The following CCPG1 variants were observed in gnomAD, a reference collection of about 807,000 sequenced individuals.
CCPG1 encodes the protein cell cycle progression 1, also known as cell cycle progression protein 1.
A neutral mutation model predicts 81.3 loss-of-function variants in CCPG1; 46 were observed. That is an observed-to-expected ratio of 0.57 (90% CI 0.45 to 0.72). CCPG1 has a LOEUF of 0.72. Among genes scored for constraint, CCPG1 ranks in the 30% least tolerant of loss-of-function variants. The pLI is 0.00. For synonymous variants in CCPG1, 330 were observed against 305.2 expected (o/e 1.08, Z -0.85); for missense variants, 902 against 937.6 (o/e 0.96, Z 0.50).
In CCPG1 at chr15:55,360,925, G is replaced by A; in HGVS notation, c.848C>T (p.Ala283Val). Residue 283 changes from alanine (A) to valine (V), a missense_variant, in exon 8 of 9, where the codon GCA (alanine) becomes GTA (valine). Ala to Val is a moderately conservative substitution (Grantham distance 64). Transcript: ENST00000442196. ...IDYKSLKENL[A>V]RCWTLTEAEK... ...TGCTTCAGTAAGTGTCCAACACCTT[G>A]CAAGATTTTCTTTCAATGACTACAT... 6.5e-7 allele frequency: 1 copy of A among 1,538,512 alleles called. No homozygotes were observed. The highest frequency in any genetic ancestry group is 2.3e-5 in the Admixed American group (1 of 43,992).
Position 55,355,376 on chromosome 15 carries a change from AT to A in CCPG1, c.*843del, listed in dbSNP as rs1566962866. The A allele has an allele frequency of 6.2e-7, 1 of 1,611,746 alleles. No individual in the cohort carries two copies. Among genetic ancestry groups the A allele is most frequent in the Non-Finnish European group, 8.5e-7 (1 of 1,178,134 alleles). ...GCCAGAGGGTCGAATTGGAAGTCACATATATGTCTATGAACGGAAGTTAAAA... is the reference window on the plus strand; with the variant it reads ...GCCAGAGGGTCGAATTGGAAGTCACAATATGTCTATGAACGGAAGTTAAAA... On this transcript the variant is annotated 3_prime_UTR_variant, in exon 9 of 9. Coordinates refer to ENST00000442196, the MANE Select transcript of CCPG1 (RefSeq NM_001204450.2).
In CCPG1 at chr15:55,355,522, T is replaced by C; in HGVS notation, c.*698A>G. The C allele has an allele frequency of 9.3e-7, 1 of 1,070,316 alleles. No homozygotes were observed. Among genetic ancestry groups the C allele is most frequent in the Non-Finnish European group, 1.4e-6 (1 of 740,404 alleles). The allele number at this position is 1,070,316 out of a possible 1,614,324, so 66.3% of individuals were successfully genotyped here. A position where few individuals can be genotyped will look rare whatever the true frequency, so the allele number is the denominator to read the frequency against. On this transcript the variant is annotated 3_prime_UTR_variant, in exon 9 of 9. Transcript: ENST00000442196. Reference sequence around the variant, plus strand: ...AACACTGGGTAAGATTCATGGAACTTAGAAAAAAGCTGTATGAACTGCTTT... The same window carrying C: ...AACACTGGGTAAGATTCATGGAACTCAGAAAAAAGCTGTATGAACTGCTTT...
At chr15:55,366,093 T>A (rs2056321456) in intron 6 of CCPG1, among the ~76,000 whole-genome samples, 1 of 152,186 alleles carries the variant, frequency 6.6e-6, no homozygotes, top group Non-Finnish European at 1.5e-5. Context: ...AGCAGTTCAC[T>A]ATCTTTTGTA....
At chr15:55,358,707 T>C in intron 8 of CCPG1, 1 of 985,450 alleles carries the variant, frequency 1.0e-6, no homozygotes, top group Non-Finnish European at 1.2e-6. Flanking sequence ...TACCTTAATT[T>C]CATTTATTTA....
intron 1 of CCPG1, among the ~76,000 whole-genome samples, chr15:55,390,298 C>G (rs1008377810): frequency 2.0e-5 from 3 of 152,126 alleles, no homozygotes; most frequent in Non-Finnish European, 2.9e-5. Context: ...GGGAAGACAC[C>G]AGAGGTTGGT....
At chr15:55,389,635 G>C (rs2056875455) in intron 1 of CCPG1, among the ~76,000 whole-genome samples, 1 of 152,148 alleles carries the variant, frequency 6.6e-6, no homozygotes, top group African/African-American at 2.4e-5. Context: ...AAGATAAGGA[G>C]ACCCTCCTGG....
Position 55,371,989 on chromosome 15 carries a change from C to T in CCPG1, c.510G>A (p.Gln170=). ...GGCGTCGTCTAAAGGCAGGACTGGG[C>T]TGATTACTGGTTTCATCACTACTTG... ...DESSSDETSN[Q]PSPAFRRRRA... The change falls in exon 6 of 9, where the codon CAG becomes CAA. Residue 170 remains glutamine, a synonymous_variant. Transcript: ENST00000442196. The T allele has an allele frequency of 1.9e-6, 3 of 1,614,006 alleles. No individual in the cohort carries two copies. The highest frequency in any genetic ancestry group is 2.5e-6 in the Non-Finnish European group (3 of 1,179,858).
chr15:55,365,999 G>A (rs1005719623), intron 6 of CCPG1, among the ~76,000 whole-genome samples: 1 of 152,020 alleles, frequency 6.6e-6, no homozygotes, highest in Non-Finnish European at 1.5e-5. Context: ...TTCATCAAAT[G>A]GTGGTGAACG....
At chr15:55,366,265 T>C (rs1364043989) in intron 6 of CCPG1, among the ~76,000 whole-genome samples, 1 of 152,120 alleles carries the variant, frequency 6.6e-6, no homozygotes, top group African/African-American at 2.4e-5. Context: ...GAACAAACCC[T>C]GGTATTTTTT....
chr15:55,407,287 T>A (rs2057254714), intron 1 of CCPG1, among the ~76,000 whole-genome samples: 1 of 151,938 alleles, frequency 6.6e-6, no homozygotes, highest in Non-Finnish European at 1.5e-5. Context: ...TTCTGCTATA[T>A]GACCTGAACT....
At chr15:55,404,474 TA>T (rs1277836813) in intron 1 of CCPG1, among the ~76,000 whole-genome samples, 1 of 151,928 alleles carries the variant, frequency 6.6e-6, no homozygotes, top group African/African-American at 2.4e-5. Flanking sequence ...TAACAAAAAA[TA>T]AAAACAAAAA....
chr15:55,372,193 C>T (rs747943584), intron 5 of CCPG1, 149 bp from the exon 6 acceptor site: 55 of 701,978 alleles, frequency 7.8e-5, no homozygotes, highest in Non-Finnish European at 1.2e-4. Context: ...AACAAAAACA[C>T]GGGTTTTCAA....
intron 3 of CCPG1, among the ~76,000 whole-genome samples, chr15:55,381,390 T>C (rs910718267): frequency 5.5e-5 from 8 of 145,838 alleles, no homozygotes; most frequent in African/African-American, 7.7e-5. Context: ...CTGAGATCAT[T>C]GCGCCACTGC....
rs755957778 is a variant in CCPG1, at chr15:55,360,058, G to A, written c.1715C>T (p.Pro572Leu). 1.7e-5 allele frequency: 27 copies of A among 1,613,572 alleles called. No individual in the cohort carries two copies. In the East Asian group the frequency reaches 4.9e-4, roughly 29 times the overall value. ...GTTTTCTGTAGGTGCCTTATACTGT[G>A]GATGTAAATAGTCACTAAAAACTGT... ...PRTVFSDYLH[P>L]QYKAPTENHH... Residue 572 changes from proline to leucine, a missense_variant, in exon 8 of 9, where the codon CCA (proline) becomes CTA (leucine). By Grantham distance (98) the Pro-to-Leu change is moderately conservative. Coordinates refer to ENST00000442196, the MANE Select transcript of CCPG1 (RefSeq NM_001204450.2).
chr15:55,394,406 G>A (rs1282547297), intron 1 of CCPG1, among the ~76,000 whole-genome samples: 2 of 152,196 alleles, frequency 1.3e-5, no homozygotes, highest in African/African-American at 4.8e-5. Flanking sequence ...GAAACAAGAA[G>A]TAGGTGAGGG....
intron 2 of CCPG1, among the ~76,000 whole-genome samples, chr15:55,387,987 A>C (rs1345414656): frequency 6.6e-6 from 1 of 151,694 alleles, no homozygotes; most frequent in African/African-American, 2.4e-5. Context: ...CCCCGTCTCT[A>C]CTAAAAATAC....
chr15:55,391,545 C>G (rs1381987728), intron 1 of CCPG1, among the ~76,000 whole-genome samples: 2 of 151,882 alleles, frequency 1.3e-5, no homozygotes, highest in East Asian at 3.9e-4. Context: ...TATGCAATGA[C>G]AGAAATACAC....
rs796822415 is a variant in CCPG1 at position 55,394,329 on chromosome 15, G to A, written c.-9-4896C>T. ...AGGACTGAATAACCAACTATATAAG[G>A]GAGAAAGTGTAGGATAGCTCACAGG... On this transcript the variant is annotated intron_variant, in intron 1 of 8. Coordinates refer to ENST00000442196, the MANE Select transcript of CCPG1 (RefSeq NM_001204450.2). Among the ~76,000 whole-genome samples, 17 of 152,226 alleles carry A rather than the reference G, an allele frequency of 1.1e-4. 1 individual carries two copies. The highest frequency in any genetic ancestry group is 4.1e-4 in the African/African-American group (17 of 41,540).
chr15:55,394,348 T>C (rs1391740819), intron 1 of CCPG1, among the ~76,000 whole-genome samples: 1 of 152,120 alleles, frequency 6.6e-6, no homozygotes, highest in Non-Finnish European at 1.5e-5. Flanking sequence ...GTAGGATAGC[T>C]CACAGGTTTC....
Sources: allele counts gnomAD v4.1 joint callset (sites outside exome capture counted in the v4.1 genomes callset), GRCh38; gene constraint gnomAD v4.1.1; transcripts MANE v1.5; gene names NCBI Gene and HGNC (gene_info 2026-07-23, HGNC 2026-07-21).